Variants in SFTPD observed in about 807,000 individuals in gnomAD.
The protein encoded by SFTPD is pulmonary surfactant-associated protein D.
Under a neutral mutation model 34.6 loss-of-function variants are expected in SFTPD, and 18 were observed. The observed-to-expected ratio is 0.52, with a 90% CI of 0.36 to 0.77. The LOEUF (loss-of-function observed/expected upper bound fraction) is 0.77, where lower values mean the gene tolerates loss of function less well. SFTPD is among the 30% of genes least tolerant of loss of function. The probability of loss-of-function intolerance (pLI) is 0.00; values close to 1 mark genes in which losing one functional copy is unlikely to be tolerated. For synonymous variants in SFTPD, 155 were observed against 180.9 expected (o/e 0.86, Z 1.15); for missense variants, 433 against 468.9 (o/e 0.92, Z 0.71).
chr10:79,977,446 TACTC>T (rs5786431), intron 1 of SFTPD, among the ~76,000 whole-genome samples: 8,415 of 152,274 alleles, frequency 0.055, 339 homozygotes, highest in East Asian at 0.15. Context: ...GCTTTTCTGA[TACTC>T]AATCATAAAC....
chr10:79,975,908 T>TA (rs1842861561), intron 1 of SFTPD, among the ~76,000 whole-genome samples: 1 of 152,218 alleles, frequency 6.6e-6, no homozygotes, highest in Non-Finnish European at 1.5e-5. Context: ...AGAATGCCTT[T>TA]AAGCGGTTTT....
chr10:79,958,282 C>A (rs1312906741), intron 1 of SFTPD, among the ~76,000 whole-genome samples: 2 of 152,058 alleles, frequency 1.3e-5, no homozygotes, highest in Non-Finnish European at 2.9e-5. Context: ...AATGACAGGA[C>A]CAAATACACA....
intron 1 of SFTPD, among the ~76,000 whole-genome samples, chr10:79,957,608 TA>T (rs1259558118): frequency 1.3e-5 from 2 of 151,936 alleles, no homozygotes; most frequent in Non-Finnish European, 2.9e-5. Flanking sequence ...GAAAAAAGAA[TA>T]AAAAGAAATG....
intron 3 of SFTPD, 40 bp from the exon 4 acceptor site, chr10:79,942,544 T>C: frequency 7.3e-7 from 1 of 1,362,648 alleles, no homozygotes; most frequent in Non-Finnish European, 1.1e-6. Context: ...CAATGAATCC[T>C]CTTGGCAGGA....
At chr10:79,962,064 A>G (rs1232408116) in intron 1 of SFTPD, among the ~76,000 whole-genome samples, 2 of 143,256 alleles carry the variant, frequency 1.4e-5, no homozygotes, top group African/African-American at 5.2e-5. Flanking sequence ...CAAACACCAC[A>G]TGTTCTCACT....
rs1487613988 is a variant in SFTPD at position 79,942,781 on chromosome 10, C to T, written c.298G>A (p.Gly100Arg). Residue 100 changes from glycine (G) to arginine (R), a missense_variant, in exon 3 of 8, where the codon GGA becomes AGA. Coordinates refer to ENST00000372292, the MANE Select transcript of SFTPD (RefSeq NM_003019.5). Reference sequence around the variant, plus strand: ...TGCTCACCACTTGGCCCAGTGTCTCCCTTTGGTCCAGGTTCTCCAACAGAG... The same window carrying T: ...TGCTCACCACTTGGCCCAGTGTCTCTCTTTGGTCCAGGTTCTCCAACAGAG... Reference protein sequence around the residue: ...NGSVGEPGPKGDTGPSGPPGP... With the variant: ...NGSVGEPGPKRDTGPSGPPGP... The T allele has an allele frequency of 6.2e-7, 1 of 1,611,306 alleles. No homozygotes were observed. The highest frequency in any genetic ancestry group is 1.3e-5 in the African/African-American group (1 of 74,952).
At chr10:79,970,868 T>C (rs1026313671) in intron 1 of SFTPD, 1 of 152,202 alleles carries the variant, frequency 6.6e-6, no homozygotes, top group Non-Finnish European at 1.5e-5. Flanking sequence ...TTCTCTTACC[T>C]AATTGTTCTG....
chr10:79,955,578 A>C (rs1842734060), intron 1 of SFTPD, among the ~76,000 whole-genome samples: 1 of 152,304 alleles, frequency 6.6e-6, no homozygotes, highest in African/African-American at 2.4e-5. Flanking sequence ...AAAAGGTAGG[A>C]TTGCTTATGC....
chr10:79,982,273 G>A, intron 1 of SFTPD: 1 of 983,036 alleles, frequency 1.0e-6, no homozygotes, highest in African/African-American at 1.7e-5. Flanking sequence ...GGGGCGCTCG[G>A]GCCACCGCGG....
In SFTPD at chr10:79,946,545, T is replaced by C. The variant is rs773034982; in HGVS notation, c.115A>G (p.Met39Val). Residue 39 changes from methionine to valine, a missense_variant, in exon 2 of 8, where the codon ATG becomes GTG. Transcript: ENST00000372292. ...AGGCCACTCTCCACTGAGCTACACATGACCAGGGTGCAAGCACTGGGCATT... is the reference window on the plus strand; with the variant it reads ...AGGCCACTCTCCACTGAGCTACACACGACCAGGGTGCAAGCACTGGGCATT... Reference protein sequence around the residue: ...RTMPSACTLVMCSSVESGLPG... With the variant: ...RTMPSACTLVVCSSVESGLPG... The C allele has an allele frequency of 1.2e-6, 2 of 1,614,188 alleles. No homozygotes were observed. Among genetic ancestry groups the C allele is most frequent in the Non-Finnish European group, 1.7e-6 (2 of 1,180,010 alleles).
At chr10:79,957,733 A>C (rs1309165500) in intron 1 of SFTPD, among the ~76,000 whole-genome samples, 1 of 152,246 alleles carries the variant, frequency 6.6e-6, no homozygotes, top group Non-Finnish European at 1.5e-5. Flanking sequence ...TCTGCAGGAT[A>C]TTATCCAGGA....
At chr10:79,978,159 A>T (rs1309697126) in intron 1 of SFTPD, among the ~76,000 whole-genome samples, 1 of 152,228 alleles carries the variant, frequency 6.6e-6, no homozygotes, top group African/African-American at 2.4e-5. Context: ...TCTGTCCAAG[A>T]TGCAATGCTG....
At chr10:79,975,831 G>A (rs1364226756) in intron 1 of SFTPD, among the ~76,000 whole-genome samples, 1 of 152,240 alleles carries the variant, frequency 6.6e-6, no homozygotes, top group African/African-American at 2.4e-5. Flanking sequence ...AGGTGGGTCT[G>A]GCTAGTCATC....
rs1382776429 is a variant in SFTPD at position 79,938,750 on chromosome 10, G to A, written c.752-522C>T. Among the ~76,000 whole-genome samples the A allele has an allele frequency of 2.0e-5, 3 of 152,272 alleles. No individual in the cohort carries two copies. In the East Asian group the frequency reaches 5.8e-4, roughly 29 times the overall value. On this transcript the variant is annotated intron_variant, in intron 7 of 7. Coordinates refer to ENST00000372292, the MANE Select transcript of SFTPD (RefSeq NM_003019.5). Reference sequence around the variant, plus strand: ...GGAGAGGGTCTGTGCTGTGTGATGGGGTGATGAAAGGGGAGAGACAGGAAG... The same window carrying A: ...GGAGAGGGTCTGTGCTGTGTGATGGAGTGATGAAAGGGGAGAGACAGGAAG...
chr10:79,946,338 G>T, intron 2 of SFTPD, 123 bp downstream of exon 2: 1 of 751,184 alleles, frequency 1.3e-6, no homozygotes, highest in Non-Finnish European at 2.2e-6. Context: ...TGTGGAACTC[G>T]CCTTCTTGGG....
At chr10:79,968,073 TG>T (rs1364750718) in intron 1 of SFTPD, 2 of 152,150 alleles carry the variant, frequency 1.3e-5, no homozygotes. Flanking sequence ...TACATATTTA[TG>T]GAGTATATGT....
At chr10:79,964,929 A>T (rs1171207968) in intron 1 of SFTPD, among the ~76,000 whole-genome samples, 10 of 152,134 alleles carry the variant, frequency 6.6e-5, no homozygotes, top group Admixed American at 6.5e-4. Flanking sequence ...GTCAGACATA[A>T]TTCCTTGGTT....
At chr10:79,939,625 G>A (rs542613013) in intron 7 of SFTPD, among the ~76,000 whole-genome samples, 3 of 152,324 alleles carry the variant, frequency 2.0e-5, no homozygotes, top group Admixed American at 1.3e-4. Context: ...ATATGGACAT[G>A]TTCCTCTGTG....
In SFTPD at chr10:79,942,316, C is replaced by T. The variant is rs1387312531; in HGVS notation, c.433+72G>A. The T allele has an allele frequency of 2.8e-6, 3 of 1,067,516 alleles. No homozygotes were observed. In the East Asian group the frequency reaches 7.1e-5, roughly 25 times the overall value. 66.1% of individuals were successfully genotyped at this position (1,067,516 alleles called of 1,614,324 possible). A position where few individuals can be genotyped will look rare whatever the true frequency, so the allele number is the denominator to read the frequency against. ...GGCTCTCCCTGGCACTCTGAGCACG[C>T]CTCAGGTCATATCATGGACCCTTGT... On this transcript the variant is annotated intron_variant, in intron 4 of 7. Coordinates refer to ENST00000372292, the MANE Select transcript of SFTPD (RefSeq NM_003019.5).
Sources: gnomAD v4.1 joint callset for allele counts (sites outside exome capture counted in the v4.1 genomes callset) on GRCh38, gnomAD v4.1.1 for gene constraint, MANE v1.5 for transcripts, NCBI Gene and HGNC (gene_info 2026-07-23, HGNC 2026-07-21) for gene names.